Variants in TANC2 observed in about 807,000 individuals in gnomAD.
TANC2 encodes protein TANC2.
Under a neutral mutation model 210.5 loss-of-function variants are expected in TANC2, and 26 were observed. That is an observed-to-expected ratio of 0.12 (90% CI 0.09 to 0.17). TANC2 has a LOEUF of 0.17. Ranked by LOEUF, TANC2 falls within the 10% of genes least tolerant of loss-of-function variation. The pLI is 1.00. For synonymous variants in TANC2, 931 were observed against 967.1 expected (o/e 0.96, Z 0.69); for missense variants, 2,129 against 2,608.9 (o/e 0.82, Z 4.01).
intron 19 of TANC2, among the ~76,000 whole-genome samples, chr17:63,399,635 G>A (rs552354164): frequency 2.0e-5 from 3 of 152,206 alleles, no homozygotes; most frequent in Non-Finnish European, 4.4e-5. Context: ...AAACTGTAGA[G>A]TAACCCCAGA....
chr17:63,118,945 G>A (rs563758727), intron 4 of TANC2, among the ~76,000 whole-genome samples: 1 of 151,998 alleles, frequency 6.6e-6, no homozygotes, highest in South Asian at 2.1e-4. Flanking sequence ...ACCACGCCCG[G>A]CTAATTTTTG....
intron 11 of TANC2, chr17:63,332,557 T>G (rs2045893207): frequency 2.9e-6 from 1 of 346,940 alleles, no homozygotes; most frequent in Non-Finnish European, 5.6e-6. Context: ...ACCCAGGTGG[T>G]CACACAGGCC....
At chr17:63,024,490 A>T (rs2034472894) in intron 2 of TANC2, among the ~76,000 whole-genome samples, 1 of 152,106 alleles carries the variant, frequency 6.6e-6, no homozygotes, top group Non-Finnish European at 1.5e-5. Flanking sequence ...CGGCATCTTT[A>T]CTGCACCCTG....
chr17:63,037,554 T>C (rs1375085055), intron 2 of TANC2, among the ~76,000 whole-genome samples: 5 of 152,174 alleles, frequency 3.3e-5, no homozygotes, highest in African/African-American at 4.8e-5. Flanking sequence ...TGGCTCACCC[T>C]TGTAATCTCA....
chr17:63,255,059 T>TTTTATTTA (rs141802789), intron 8 of TANC2, among the ~76,000 whole-genome samples: 92 of 144,586 alleles, frequency 6.4e-4, no homozygotes, highest in Admixed American at 1.4e-3. Flanking sequence ...AATAGTTATT[T>TTTTATTTA]TTTATTTATT....
At chr17:62,978,037 A>G (rs1345910608) in intron 1 of TANC2, among the ~76,000 whole-genome samples, 4 of 152,168 alleles carry the variant, frequency 2.6e-5, no homozygotes, top group Admixed American at 2.6e-4. Flanking sequence ...CTAATTTTTA[A>G]AAGCTGAATA....
chr17:63,275,331 TG>T (rs915351534), intron 9 of TANC2, among the ~76,000 whole-genome samples: 3 of 152,192 alleles, frequency 2.0e-5, no homozygotes, highest in Non-Finnish European at 4.4e-5. Flanking sequence ...GACACTAGGT[TG>T]GAGGGCATAT....
At chr17:63,163,638 ATTTG>A (rs1339229453) in intron 5 of TANC2, among the ~76,000 whole-genome samples, 8 of 151,922 alleles carry the variant, frequency 5.3e-5, no homozygotes, top group Non-Finnish European at 1.2e-4. Flanking sequence ...AATATTTAAT[ATTTG>A]TTTAATATTT....
At chr17:62,986,820 G>T (rs1293154128) in intron 1 of TANC2, among the ~76,000 whole-genome samples, 5 of 152,068 alleles carry the variant, frequency 3.3e-5, no homozygotes, top group African/African-American at 4.8e-5. Context: ...GCCGGCCTGG[G>T]GTATTACCAG....
chr17:63,007,996 T>G (rs1449870696), intron 1 of TANC2, among the ~76,000 whole-genome samples: 4 of 151,756 alleles, frequency 2.6e-5, no homozygotes, highest in Admixed American at 6.6e-5. Context: ...CAGTTTTTTT[T>G]TTTTTTTTTC....
chr17:63,388,609 T>G, intron 15 of TANC2, 26 bp from the exon 16 acceptor site: 1 of 1,584,742 alleles, frequency 6.3e-7, no homozygotes, highest in East Asian at 2.3e-5. Context: ...GGGCTACTAA[T>G]TTAATTGTCT....
chr17:63,165,045 G>T lies in TANC2; in HGVS notation c.433+13665G>T, dbSNP rs375635135. 4.6e-5 allele frequency among the ~76,000 whole-genome samples: 7 copies of T among 152,254 alleles called. No homozygotes were observed. The South Asian group carries it at 1.0e-3, about 23-fold the overall frequency. On this transcript the variant is annotated intron_variant, in intron 5 of 27. Coordinates refer to ENST00000689528, the Ensembl canonical transcript of TANC2. Reference sequence around the variant, plus strand: ...ACCTGTAATTCCAACACTTTGAGAGGCTGAGGTGGGAGAATCGCTTAAGGC... The same window carrying T: ...ACCTGTAATTCCAACACTTTGAGAGTCTGAGGTGGGAGAATCGCTTAAGGC...
chr17:63,214,242 A>G (rs2041965975), intron 7 of TANC2, among the ~76,000 whole-genome samples: 5 of 152,332 alleles, frequency 3.3e-5, no homozygotes, highest in South Asian at 2.1e-4. Context: ...GACAGACTGT[A>G]TAGCATGCAC....
intron 1 of TANC2, among the ~76,000 whole-genome samples, chr17:62,991,217 A>T (rs1456833811): frequency 1.3e-5 from 2 of 152,130 alleles, no homozygotes; most frequent in African/African-American, 4.8e-5. Context: ...AAATAATATT[A>T]AAAAAACAAA....
At chr17:63,120,567 A>T (rs938055673) in intron 4 of TANC2, 3 of 152,100 alleles carry the variant, frequency 2.0e-5, no homozygotes, top group African/African-American at 7.2e-5. Flanking sequence ...TAATCCCACC[A>T]CTTTGGGAGG....
rs539132489 is a variant in TANC2, at chr17:62,975,842, A to G, written c.-24+9093A>G. ...GGTGAAAATCCTTAGGACGATGTCT[A>G]GTACTTAATAAATGGTAATTTTTAT... On this transcript the variant is annotated intron_variant, in intron 1 of 27. Transcript: ENST00000689528. Among the ~76,000 whole-genome samples, 5 of 152,274 alleles carry G rather than the reference A, an allele frequency of 3.3e-5. No homozygotes were observed. In the East Asian group the frequency reaches 5.8e-4, roughly 18 times the overall value.
At chr17:63,021,094 G>A (rs2034328813) in intron 2 of TANC2, among the ~76,000 whole-genome samples, 1 of 152,116 alleles carries the variant, frequency 6.6e-6, no homozygotes, top group African/African-American at 2.4e-5. Context: ...GAGATTTGGA[G>A]GGGACAAATA....
At chr17:63,406,343 C>G in intron 21 of TANC2, 66 bp downstream of exon 21, 1 of 1,593,950 alleles carries the variant, frequency 6.3e-7, no homozygotes, top group Non-Finnish European at 8.6e-7. Context: ...TCATGATTTC[C>G]AGCAATGGAT....
chr17:63,156,633 A>G (rs1292757972), intron 5 of TANC2, among the ~76,000 whole-genome samples: 2 of 152,224 alleles, frequency 1.3e-5, no homozygotes, highest in Admixed American at 1.3e-4. Flanking sequence ...ATTACTGGTT[A>G]TGGAAATAAG....
Sources: allele counts gnomAD v4.1 joint callset (sites outside exome capture counted in the v4.1 genomes callset), GRCh38; gene constraint gnomAD v4.1.1; transcripts MANE v1.5; gene names NCBI Gene and HGNC (gene_info 2026-07-23, HGNC 2026-07-21).